Variants in RPS6KC1 observed in about 807,000 individuals in gnomAD.
RPS6KC1 encodes the protein ribosomal protein S6 kinase C1, also known as inactive ribosomal protein S6 kinase delta-1.
In RPS6KC1, 54 loss-of-function variants were observed where a neutral mutation model predicts 103.8. That is an observed-to-expected ratio of 0.52 (90% confidence interval 0.42 to 0.65). The LOEUF (loss-of-function observed/expected upper bound fraction) is 0.65. Among genes scored for constraint, RPS6KC1 ranks in the 30% least tolerant of loss-of-function variants. RPS6KC1 has a pLI of 0.00. For synonymous variants in RPS6KC1, 439 were observed against 438.7 expected (o/e 1.00, Z -0.01); for missense variants, 1,151 against 1,253.8 (o/e 0.92, Z 1.24).
At chr1:213,102,609 C>T (rs540333830) in intron 3 of RPS6KC1, among the ~76,000 whole-genome samples, 163 of 152,048 alleles carry the variant, frequency 1.1e-3, no homozygotes, top group African/African-American at 3.9e-3. Context: ...TGTCATGTAC[C>T]CATTTGAATA....
intron 1 of RPS6KC1, among the ~76,000 whole-genome samples, chr1:213,068,909 G>A (rs59795611): frequency 7.1e-5 from 7 of 98,216 alleles, no homozygotes; most frequent in African/African-American, 1.1e-4. Flanking sequence ...GTGTGTGTGT[G>A]TGTGTATGCC....
chr1:213,806,634 A>C, the RPS6KC1 span, among the ~76,000 whole-genome samples: 520 of 149,082 alleles, frequency 3.5e-3, 1 homozygote, highest in African/African-American at 0.013. Flanking sequence ...TTTGCTTGGT[A>C]GATCTTCCTC....
the RPS6KC1 span, among the ~76,000 whole-genome samples, chr1:213,700,063 A>G: frequency 1.3e-5 from 2 of 150,046 alleles, no homozygotes; most frequent in Non-Finnish European, 3.0e-5. Flanking sequence ...ATGTGACCCC[A>G]TTTGTTCATT....
the RPS6KC1 span, among the ~76,000 whole-genome samples, chr1:213,464,571 G>A: frequency 6.6e-6 from 1 of 152,004 alleles, no homozygotes; most frequent in African/African-American, 2.4e-5. Context: ...ATTAGTTTCT[G>A]AGTGTATCTT....
intron 12 of RPS6KC1, among the ~76,000 whole-genome samples, chr1:213,252,936 A>G (rs760308047): frequency 1.2e-4 from 18 of 152,202 alleles, no homozygotes; most frequent in Non-Finnish European, 2.2e-4. Flanking sequence ...TTTATTTACA[A>G]TGATGGCTGC....
chr1:213,392,109 G>A, the RPS6KC1 span, among the ~76,000 whole-genome samples: 1 of 152,120 alleles, frequency 6.6e-6, no homozygotes, highest in Non-Finnish European at 1.5e-5. Flanking sequence ...TGGTTAATTA[G>A]GCACAGCCCC....
the RPS6KC1 span, among the ~76,000 whole-genome samples, chr1:213,384,820 T>G: frequency 6.6e-6 from 1 of 152,240 alleles, no homozygotes; most frequent in Non-Finnish European, 1.5e-5. Flanking sequence ...ACAAGGTACA[T>G]TTTTTATATC....
chr1:213,196,052 C>T (rs2092934783), intron 8 of RPS6KC1, among the ~76,000 whole-genome samples: 1 of 152,138 alleles, frequency 6.6e-6, no homozygotes, highest in Non-Finnish European at 1.5e-5. Context: ...TAAAGAATCT[C>T]CATGCTGTTT....
chr1:213,844,781 C>T, the RPS6KC1 span, among the ~76,000 whole-genome samples: 6 of 152,240 alleles, frequency 3.9e-5, no homozygotes, highest in East Asian at 1.2e-3. Flanking sequence ...TATAAATACG[C>T]TGGAGTTTCT....
At chr1:213,515,123 A>G in the RPS6KC1 span, among the ~76,000 whole-genome samples, 1 of 151,536 alleles carries the variant, frequency 6.6e-6, no homozygotes, top group Non-Finnish European at 1.5e-5. Flanking sequence ...TAGATTCTGG[A>G]TATTAGCCTT....
the RPS6KC1 span, among the ~76,000 whole-genome samples, chr1:213,759,664 A>C: frequency 6.6e-6 from 1 of 152,070 alleles, no homozygotes; most frequent in Non-Finnish European, 1.5e-5. Flanking sequence ...GGCCTGGCCT[A>C]CTCTGTCCTG....
At chr1:213,475,693 G>C in the RPS6KC1 span, among the ~76,000 whole-genome samples, 1 of 151,772 alleles carries the variant, frequency 6.6e-6, no homozygotes, top group Non-Finnish European at 1.5e-5. Flanking sequence ...GTCACTGTTT[G>C]AGCTTCCAGG....
intron 5 of RPS6KC1, among the ~76,000 whole-genome samples, chr1:213,121,075 G>A (rs1190088710): frequency 1.3e-5 from 2 of 152,032 alleles, no homozygotes; most frequent in Non-Finnish European, 2.9e-5. Flanking sequence ...CTACAGGCAG[G>A]CACAACCATG....
At chr1:213,397,779 A>G in the RPS6KC1 span, among the ~76,000 whole-genome samples, 95 of 152,282 alleles carry the variant, frequency 6.2e-4, no homozygotes, top group Admixed American at 1.8e-3. Flanking sequence ...AGAGCTACTC[A>G]TGGGTAATTA....
At chr1:213,282,418 C>G in the RPS6KC1 span, among the ~76,000 whole-genome samples, 1 of 152,208 alleles carries the variant, frequency 6.6e-6, no homozygotes, top group African/African-American at 2.4e-5. Context: ...AAGAGAAACA[C>G]AAATCACTAA....
the RPS6KC1 span, among the ~76,000 whole-genome samples, chr1:213,797,410 A>AT: frequency 1.3e-5 from 2 of 152,356 alleles, no homozygotes; most frequent in South Asian, 4.1e-4. Context: ...ACTTTTATTT[A>AT]GTGCCTATTG....
the RPS6KC1 span, among the ~76,000 whole-genome samples, chr1:213,448,658 C>A: frequency 6.6e-6 from 1 of 151,776 alleles, no homozygotes; most frequent in African/African-American, 2.4e-5. Flanking sequence ...TTCTTGAGAC[C>A]CTGTGTGAAG....
At chr1:213,589,312 C>T in the RPS6KC1 span, among the ~76,000 whole-genome samples, 110 of 152,286 alleles carry the variant, frequency 7.2e-4, no homozygotes, top group African/African-American at 2.5e-3. Flanking sequence ...AAGGACTCTT[C>T]TCCTACTTCT....
the RPS6KC1 span, among the ~76,000 whole-genome samples, chr1:213,767,270 C>T: frequency 6.6e-6 from 1 of 152,212 alleles, no homozygotes; most frequent in African/African-American, 2.4e-5. Context: ...AGTCTGAATC[C>T]ACTTTTCCCA....
Sources: gnomAD v4.1 joint callset for allele counts (sites outside exome capture counted in the v4.1 genomes callset) on GRCh38, gnomAD v4.1.1 for gene constraint, MANE v1.5 for transcripts, NCBI Gene and HGNC (gene_info 2026-07-23, HGNC 2026-07-21) for gene names.